CSMD1: variants seen among roughly 807,000 people sequenced by gnomAD.
The protein encoded by CSMD1 is CUB and sushi domain-containing protein 1.
In CSMD1, 213 loss-of-function variants were observed where a neutral mutation model predicts 417.5. That is an observed-to-expected ratio of 0.51 (90% CI 0.46 to 0.57). The LOEUF (loss-of-function observed/expected upper bound fraction) is 0.57, where lower values mean the gene tolerates loss of function less well. Ranked by LOEUF, CSMD1 falls within the 20% of genes least tolerant of loss-of-function variation. CSMD1 has a pLI of 0.00. For missense variants in CSMD1, 6,923 were observed against 4,529.7 expected, an observed-to-expected ratio of 1.53 and a Z score of -15.17; for synonymous variants, 2,862 against 1,736.8, an observed-to-expected ratio of 1.65 and a Z score of -16.11.
chr8:3,493,651 C>G lies in CSMD1; in HGVS notation c.1420G>C (p.Val474Leu). ...TACAAGACCGATCTGGTGTCTCCCACCTTCCCAGCATCACCAACCGTCAGG... is the reference window on the plus strand; with the variant it reads ...TACAAGACCGATCTGGTGTCTCCCAGCTTCCCAGCATCACCAACCGTCAGG... ...DTLTVGDAGKVGDTRSVLYVL... is the reference protein window; with the variant it reads ...DTLTVGDAGKLGDTRSVLYVL... The change falls in exon 11 of 70, where the codon GTG (valine) becomes CTG (leucine). Residue 474 changes from valine (V) to leucine (L), a missense_variant. By Grantham distance (32) the Val-to-Leu change is conservative. Coordinates refer to ENST00000635120, the MANE Select transcript of CSMD1 (RefSeq NM_033225.6). The G allele has an allele frequency of 6.2e-7, 1 of 1,611,848 alleles. No homozygotes were observed.
At position 4,751,953 on chromosome 8, in the gene CSMD1, G is replaced by C. The variant is rs150422443; in HGVS notation, c.86-114395C>G. On this transcript the variant is annotated intron_variant, in intron 1 of 69. Transcript: ENST00000635120. ...TCCATGTAATCTGAGAGTGGGGGAA[G>C]TGCAAAGAATATATACATATACACG... is the stretch of plus-strand genomic sequence containing the variant. Among the ~76,000 whole-genome samples the C allele has an allele frequency of 7.6e-4, 115 of 152,276 alleles. No individual in the cohort carries two copies. The East Asian group carries it at 0.021, about 28-fold the overall frequency.
intron 2 of CSMD1, among the ~76,000 whole-genome samples, chr8:4,584,180 C>T (rs1009315706): frequency 1.3e-5 from 2 of 152,034 alleles, no homozygotes; most frequent in East Asian, 1.9e-4. Flanking sequence ...ACACTCACTG[C>T]GACGGTCCGT....
chr8:4,285,453 G>A (rs569044859), intron 3 of CSMD1, among the ~76,000 whole-genome samples: 1 of 152,134 alleles, frequency 6.6e-6, no homozygotes, highest in South Asian at 2.1e-4. Flanking sequence ...TATTAGTTCA[G>A]AATTATGAAA....
chr8:4,284,843 CAAAG>C lies in CSMD1; in HGVS notation c.415+135106_415+135109del, dbSNP rs1796975375. On this transcript the variant is annotated intron_variant, in intron 3 of 69. Coordinates refer to ENST00000635120, the MANE Select transcript of CSMD1 (RefSeq NM_033225.6). ...GGCCGTGTTCAAAAACAAAACAAAACAAAGAAACAAAAACAAAAAAAAACTAGTT... is the reference window on the plus strand; with the variant it reads ...GGCCGTGTTCAAAAACAAAACAAAACAAACAAAAACAAAAAAAAACTAGTT... Among the ~76,000 whole-genome samples the C allele has an allele frequency of 2.0e-5, 3 of 152,056 alleles. No homozygotes were observed. The South Asian group carries it at 6.2e-4, about 32-fold the overall frequency.
intron 12 of CSMD1, among the ~76,000 whole-genome samples, chr8:3,459,918 G>T (rs1431410617): frequency 6.6e-6 from 1 of 152,118 alleles, no homozygotes; most frequent in African/African-American, 2.4e-5. Context: ...AGGGTTAAAT[G>T]GCCCATGATA....
intron 23 of CSMD1, among the ~76,000 whole-genome samples, chr8:3,324,236 G>C (rs1387395872): frequency 7.0e-5 from 10 of 143,486 alleles, no homozygotes; most frequent in South Asian, 2.3e-4. Context: ...GACCCGGGAG[G>C]GGGAGTTTCC....
chr8:4,679,013 G>T (rs923546696), intron 1 of CSMD1, among the ~76,000 whole-genome samples: 4 of 152,170 alleles, frequency 2.6e-5, no homozygotes, highest in Non-Finnish European at 4.4e-5. Context: ...GAACAACAGG[G>T]ACCTGCCCAA....
chr8:4,360,764 G>C (rs970353604), intron 3 of CSMD1, among the ~76,000 whole-genome samples: 1 of 151,622 alleles, frequency 6.6e-6, no homozygotes, highest in East Asian at 1.9e-4. Context: ...AAAGTGCTGG[G>C]ACTACAGGTG....
chr8:3,312,843 C>G (rs1042310996), intron 23 of CSMD1, among the ~76,000 whole-genome samples: 3 of 152,160 alleles, frequency 2.0e-5, no homozygotes, highest in African/African-American at 7.2e-5. Context: ...CACTTTGACC[C>G]CTAGGCTGTT....
At chr8:4,971,668 A>G (rs910407655) in intron 1 of CSMD1, among the ~76,000 whole-genome samples, 2 of 143,498 alleles carry the variant, frequency 1.4e-5, no homozygotes, top group Non-Finnish European at 3.0e-5. Context: ...TTGCACACAT[A>G]TGACTGAGAA....
At chr8:4,549,822 A>T (rs1183937960) in intron 2 of CSMD1, among the ~76,000 whole-genome samples, 1 of 144,476 alleles carries the variant, frequency 6.9e-6, no homozygotes, top group East Asian at 2.2e-4. Flanking sequence ...GCTTCAGCCC[A>T]GGAGGCAGAG....
At chr8:4,116,926 A>G (rs891044308) in intron 3 of CSMD1, among the ~76,000 whole-genome samples, 2 of 152,050 alleles carry the variant, frequency 1.3e-5, no homozygotes, top group Non-Finnish European at 2.9e-5. Flanking sequence ...AATGTGTACC[A>G]TCCTTTGTCT....
intron 5 of CSMD1, among the ~76,000 whole-genome samples, chr8:3,849,860 G>A (rs924690456): frequency 6.6e-6 from 1 of 152,050 alleles, no homozygotes; most frequent in African/African-American, 2.4e-5. Context: ...CTGTCGCCCA[G>A]GCTGTAGTAC....
At chr8:4,574,195 C>T (rs574677574) in intron 2 of CSMD1, among the ~76,000 whole-genome samples, 118 of 152,210 alleles carry the variant, frequency 7.8e-4, no homozygotes, top group Non-Finnish European at 1.3e-3. Flanking sequence ...GCAGCTAGCT[C>T]GGTATCTGTC....
intron 3 of CSMD1, among the ~76,000 whole-genome samples, chr8:4,158,476 G>A (rs554343387): frequency 3.1e-4 from 47 of 152,210 alleles, no homozygotes; most frequent in African/African-American, 1.1e-3. Flanking sequence ...AGCCGCTAGT[G>A]CAGTCATCAG....
At position 3,128,683 on chromosome 8, in the gene CSMD1, C is replaced by A. The variant is rs146308194; in HGVS notation, c.6242-10096G>T. On this transcript the variant is annotated intron_variant, in intron 41 of 69. Transcript: ENST00000635120. ...AGTGTCACCTCTGTCAGATATGATA[C>A]CCTACAAGAAAATAAAATAGCTCAA... 1.4e-5 allele frequency: 5 copies of A among 346,820 alleles called. No homozygotes were observed. In the East Asian group the frequency reaches 2.2e-4, roughly 16 times the overall value. The allele number at this position is 346,820 out of a possible 1,614,324, so 21.5% of individuals were successfully genotyped here. A position where few individuals can be genotyped will look rare whatever the true frequency, so the allele number is the denominator to read the frequency against.
chr8:4,160,137 C>T (rs575857824), intron 3 of CSMD1, among the ~76,000 whole-genome samples: 9 of 151,280 alleles, frequency 5.9e-5, no homozygotes, highest in Non-Finnish European at 1.3e-4. Flanking sequence ...GTCTTAATTC[C>T]AAGTATTAAC....
intron 2 of CSMD1, among the ~76,000 whole-genome samples, chr8:4,450,078 C>A (rs1799047582): frequency 6.6e-6 from 1 of 152,170 alleles, no homozygotes; most frequent in East Asian, 1.9e-4. Context: ...ACTTCCTCGT[C>A]CTGTCTCACT....
At chr8:4,068,041 A>G (rs1251631232) in intron 3 of CSMD1, among the ~76,000 whole-genome samples, 1 of 152,110 alleles carries the variant, frequency 6.6e-6, no homozygotes, top group Non-Finnish European at 1.5e-5. Flanking sequence ...AGATCATGCC[A>G]CTGCACTCCA....
Sources: gnomAD v4.1 joint callset for allele counts (sites outside exome capture counted in the v4.1 genomes callset) on GRCh38, gnomAD v4.1.1 for gene constraint, MANE v1.5 for transcripts, NCBI Gene and HGNC (gene_info 2026-07-23, HGNC 2026-07-21) for gene names.